Variants in SLC15A2 observed in about 807,000 individuals in gnomAD.
SLC15A2 encodes the protein solute carrier family 15 member 2.
SLC15A2 carries 77 observed loss-of-function variants against 95.5 expected under a neutral mutation model. The observed-to-expected ratio is 0.81, with a 90% CI of 0.67 to 0.97. The LOEUF (loss-of-function observed/expected upper bound fraction) is 0.97, where lower values mean the gene tolerates loss of function less well. SLC15A2 is among the 50% of genes least tolerant of loss of function. SLC15A2 has a pLI of 0.00. For missense variants in SLC15A2, 893 were observed against 874.4 expected (o/e 1.02, Z -0.27); for synonymous variants, 306 against 306.9 (o/e 1.00, Z 0.03).
rs767475070 is a variant in SLC15A2 at position 121,930,920 on chromosome 3, T to G, written c.1634T>G (p.Val545Gly). The G allele has an allele frequency of 1.2e-6, 2 of 1,612,608 alleles. No homozygotes were observed. Among genetic ancestry groups the G allele is most frequent in the South Asian group, 2.2e-5 (2 of 91,050 alleles). The change falls in exon 18 of 22, where the codon GTG (valine) becomes GGG (glycine). Residue 545 changes from valine to glycine, a missense_variant. Physicochemically the swap from Val to Gly is moderately radical, Grantham distance 109 (BLOSUM62 -3). Coordinates refer to ENST00000489711, the MANE Select transcript of SLC15A2 (RefSeq NM_021082.4). ...CTCAATGTTGGTGAAGACTATGGTGTGTCTGCTTATAGAACTGTGCAAAGA... is the reference window on the plus strand; with the variant it reads ...CTCAATGTTGGTGAAGACTATGGTGGGTCTGCTTATAGAACTGTGCAAAGA... ...TSLNVGEDYG[V>G]SAYRTVQRGE...
chr3:121,906,012 C>T (rs571853845), intron 3 of SLC15A2, among the ~76,000 whole-genome samples: 10 of 152,268 alleles, frequency 6.6e-5, no homozygotes, highest in South Asian at 2.1e-4. Context: ...TAAGGACTTG[C>T]TTTATGAATC....
chr3:121,909,620 TGTTGTTTTTGTTTGTTTTTTG>T (rs912119896), intron 3 of SLC15A2, among the ~76,000 whole-genome samples: 12 of 152,118 alleles, frequency 7.9e-5, no homozygotes, highest in African/African-American at 2.7e-4. Flanking sequence ...TTTGTTTGTT[TGTTGTTTTTGTTTGTTTTTTG>T]GTTGTTTTTT....
chr3:121,915,708 G>A lies in SLC15A2; in HGVS notation c.697+15G>A, dbSNP rs1003578426. 2 of 1,593,880 alleles carry A rather than the reference G, an allele frequency of 1.3e-6. No individual in the cohort carries two copies. Among genetic ancestry groups the A allele is most frequent in the Non-Finnish European group, 1.7e-6 (2 of 1,161,826 alleles). ...AATTGCACTTGGTAAGTGCAGTGAA[G>A]CAAAGGAAACTAATAATCATTGATA... On this transcript the variant is annotated intron_variant, in intron 7 of 21. Transcript: ENST00000489711.
chr3:121,937,640 A>G (rs1278217279), intron 19 of SLC15A2, among the ~76,000 whole-genome samples: 1 of 151,678 alleles, frequency 6.6e-6, no homozygotes, highest in Non-Finnish European at 1.5e-5. Context: ...ACTTCTCTGT[A>G]TTGGTTATTT....
rs750091124 is a variant in SLC15A2 at position 121,894,484 on chromosome 3, CT to C, written c.11del (p.Phe4SerfsTer41). The C allele has an allele frequency of 6.2e-7, 1 of 1,612,660 alleles. No individual in the cohort carries two copies. Among genetic ancestry groups the C allele is most frequent in the African/African-American group, 1.3e-5 (1 of 74,934 alleles). ...GAGAGTAAGGAGCCAGCCATGAATCCTTTCCAGAAAAATGAGTCCAAGGAAA... is the reference window on the plus strand; with the variant it reads ...GAGAGTAAGGAGCCAGCCATGAATCCTTCCAGAAAAATGAGTCCAAGGAAA... MN[P>X]FQKNESKETL... On this transcript the variant is annotated frameshift_variant, in exon 1 of 22. Coordinates refer to ENST00000489711, the MANE Select transcript of SLC15A2 (RefSeq NM_021082.4). LOFTEE classifies it high-confidence loss of function.
chr3:121,938,655 G>A (rs920943023), intron 19 of SLC15A2, among the ~76,000 whole-genome samples: 35 of 152,128 alleles, frequency 2.3e-4, no homozygotes, highest in Non-Finnish European at 4.4e-4. Flanking sequence ...ACTGACCTGC[G>A]CCCACTGTCT....
intron 5 of SLC15A2, among the ~76,000 whole-genome samples, chr3:121,913,414 T>A (rs866926): frequency 0.45 from 67,958 of 152,074 alleles, 15,711 homozygotes; most frequent in East Asian, 0.69. Flanking sequence ...TGCTTATAGA[T>A]GCTGGAAGGA....
At chr3:121,922,121 T>C in intron 7 of SLC15A2, 99 bp from the exon 8 acceptor site, 1 of 875,986 alleles carries the variant, frequency 1.1e-6, no homozygotes, top group Non-Finnish European at 1.8e-6. Flanking sequence ...CAAAAGTTAT[T>C]GTGGTTTTTG....
chr3:121,936,798 C>T (rs1299736484), intron 19 of SLC15A2, among the ~76,000 whole-genome samples: 1 of 142,142 alleles, frequency 7.0e-6, no homozygotes, highest in African/African-American at 2.6e-5. Flanking sequence ...TGAATTTGAT[C>T]CTGTCATTAT....
At chr3:121,919,269 G>A (rs997947014) in intron 7 of SLC15A2, among the ~76,000 whole-genome samples, 2 of 152,180 alleles carry the variant, frequency 1.3e-5, no homozygotes, top group Non-Finnish European at 1.5e-5. Flanking sequence ...CTGCCCAGGG[G>A]TGTCACAGCC....
intron 19 of SLC15A2, among the ~76,000 whole-genome samples, chr3:121,934,953 A>C (rs1302449753): frequency 2.0e-5 from 3 of 148,418 alleles, no homozygotes; most frequent in African/African-American, 7.2e-5. Context: ...TACCTAATTT[A>C]TTGAGAGTTT....
chr3:121,931,529 T>C (rs959866399), intron 18 of SLC15A2, 110 bp from the exon 19 acceptor site: 1 of 615,696 alleles, frequency 1.6e-6, no homozygotes, highest in East Asian at 2.7e-5. Context: ...AATTAGTGGC[T>C]TCACTGCTTT....
In SLC15A2 at chr3:121,939,456, C is replaced by T; in HGVS notation, c.1869C>T (p.Val623=). 1 of 1,539,336 alleles carries T rather than the reference C, an allele frequency of 6.5e-7. No homozygotes were observed. Residue 623 remains valine (V), a synonymous_variant, in exon 20 of 22, where the codon GTC becomes GTT. Transcript: ENST00000489711. ...ATGCCCTGGTTACAGCTGGGGAGGT[C>T]ATGTTCTCTGTCACAGGTCTTGAGT... ...PQYALVTAGE[V]MFSVTGLEFS... is the part of the protein sequence containing the mutation.
At chr3:121,931,832 T>C in intron 19 of SLC15A2, 97 bp downstream of exon 19, 2 of 693,912 alleles carry the variant, frequency 2.9e-6, no homozygotes, top group Non-Finnish European at 5.1e-6. Flanking sequence ...GAAGACTCTG[T>C]GGCAAAGCAG....
At chr3:121,919,555 T>C (rs993918630) in intron 7 of SLC15A2, among the ~76,000 whole-genome samples, 2 of 152,060 alleles carry the variant, frequency 1.3e-5, no homozygotes. Context: ...AAAGGCATCA[T>C]CCAAAAGGAA....
At chr3:121,897,648 C>A in intron 3 of SLC15A2, 119 bp downstream of exon 3, 1 of 951,256 alleles carries the variant, frequency 1.1e-6, no homozygotes, top group Non-Finnish European at 1.6e-6. Context: ...AAATAAGAAT[C>A]TCTGTACATC....
chr3:121,940,817 A>G lies in SLC15A2; in HGVS notation c.2014-14A>G, dbSNP rs1471302322. On this transcript the variant is annotated splice_polypyrimidine_tract_variant and intron_variant, in intron 21 of 21. Coordinates refer to ENST00000489711, the MANE Select transcript of SLC15A2 (RefSeq NM_021082.4). Reference sequence around the variant, plus strand: ...GTTTCTCCATATTCTTCTCATATTTATTTCCCCCTGCAGTGGGCCGAATTC... The same window carrying G: ...GTTTCTCCATATTCTTCTCATATTTGTTTCCCCCTGCAGTGGGCCGAATTC... 1.2e-6 allele frequency: 2 copies of G among 1,602,986 alleles called. No individual in the cohort carries two copies. Among genetic ancestry groups the G allele is most frequent in the South Asian group, 1.1e-5 (1 of 88,974 alleles).
chr3:121,923,212 T>A lies in SLC15A2; in HGVS notation c.958-10T>A. The A allele has an allele frequency of 6.2e-7, 1 of 1,613,922 alleles. No individual in the cohort carries two copies. The highest frequency in any genetic ancestry group is 8.5e-7 in the Non-Finnish European group (1 of 1,179,860). ...AAGGGATTTCTCATAACAGGATCTG[T>A]TTGCCCTAGGGTTCACGATGGACTT... On this transcript the variant is annotated splice_polypyrimidine_tract_variant and intron_variant, in intron 10 of 21. Transcript: ENST00000489711.
At chr3:121,905,049 G>A (rs1187368597) in intron 3 of SLC15A2, among the ~76,000 whole-genome samples, 2 of 152,196 alleles carry the variant, frequency 1.3e-5, no homozygotes, top group African/African-American at 4.8e-5. Context: ...TCTATTCAGA[G>A]ATTCAACTTC....
Sources: allele counts gnomAD v4.1 joint callset (sites outside exome capture counted in the v4.1 genomes callset), GRCh38; gene constraint gnomAD v4.1.1; transcripts MANE v1.5; gene names NCBI Gene and HGNC (gene_info 2026-07-23, HGNC 2026-07-21).